The following NPAS3 variants were observed in gnomAD, a reference collection of about 807,000 sequenced individuals.
NPAS3 encodes neuronal PAS domain protein 3.
Under a neutral mutation model 73.1 loss-of-function variants are expected in NPAS3, and 14 were observed. That is an observed-to-expected ratio of 0.19 (90% CI 0.13 to 0.30). The LOEUF is 0.30. Among genes scored for constraint, NPAS3 ranks in the 10% least tolerant of loss-of-function variants. The pLI, the probability that NPAS3 is intolerant of heterozygous loss-of-function variation, is 1.00. For synonymous variants in NPAS3, 620 were observed against 541.5 expected, an observed-to-expected ratio of 1.14 and a Z score of -2.01; for missense variants, 1,096 against 1,250.0, an observed-to-expected ratio of 0.88 and a Z score of 1.86.
At chr14:33,388,374 G>T (rs1055945446) in intron 4 of NPAS3, among the ~76,000 whole-genome samples, 5 of 152,054 alleles carry the variant, frequency 3.3e-5, no homozygotes, top group Non-Finnish European at 5.9e-5. Context: ...AGTATAGAGA[G>T]AATGTCAGTC....
At chr14:33,624,307 A>G (rs2058162204) in intron 5 of NPAS3, among the ~76,000 whole-genome samples, 3 of 152,220 alleles carry the variant, frequency 2.0e-5, no homozygotes, top group African/African-American at 7.2e-5. Flanking sequence ...AGCTAGAATC[A>G]AGATCACCAT....
intron 3 of NPAS3, among the ~76,000 whole-genome samples, chr14:33,333,505 A>T (rs962948463): frequency 6.6e-6 from 1 of 152,184 alleles, no homozygotes; most frequent in Non-Finnish European, 1.5e-5. Flanking sequence ...CAAATATGGA[A>T]ACTAGGGCTC....
chr14:33,685,229 G>A lies in NPAS3; in HGVS notation c.733+8844G>A, dbSNP rs551277108. On this transcript the variant is annotated intron_variant, in intron 6 of 11. Transcript: ENST00000356141. ...CAGATGAGTAACACAATGCGGAAGCGTGGTAATGAGGATCAGGACACTATG... is the reference window on the plus strand; with the variant it reads ...CAGATGAGTAACACAATGCGGAAGCATGGTAATGAGGATCAGGACACTATG... 2.6e-4 allele frequency among the ~76,000 whole-genome samples: 39 copies of A among 152,282 alleles called. No homozygotes were observed. The South Asian group carries it at 5.8e-3, about 23-fold the overall frequency.
chr14:33,061,173 G>C (rs1959178), intron 2 of NPAS3, among the ~76,000 whole-genome samples: 18,993 of 152,144 alleles, frequency 0.12, 1,676 homozygotes, highest in African/African-American at 0.26. Flanking sequence ...GCTGGGGGGA[G>C]GATGGTCACC....
At chr14:33,444,727 T>A (rs1296708956) in intron 4 of NPAS3, among the ~76,000 whole-genome samples, 1 of 152,242 alleles carries the variant, frequency 6.6e-6, no homozygotes, top group Non-Finnish European at 1.5e-5. Flanking sequence ...TATATTTATA[T>A]CTTGTTTAAA....
intron 5 of NPAS3, among the ~76,000 whole-genome samples, chr14:33,675,174 G>A (rs2059725580): frequency 6.6e-6 from 1 of 152,118 alleles, no homozygotes; most frequent in Non-Finnish European, 1.5e-5. Context: ...TTAGTGACCT[G>A]GGAAAGAGCT....
At chr14:33,478,902 C>T (rs1012810548) in intron 4 of NPAS3, among the ~76,000 whole-genome samples, 5 of 152,146 alleles carry the variant, frequency 3.3e-5, no homozygotes, top group Non-Finnish European at 7.3e-5. Context: ...AACTCTCTGG[C>T]TGCCAATCTC....
intron 4 of NPAS3, among the ~76,000 whole-genome samples, chr14:33,408,753 T>G (rs548848312): frequency 2.4e-4 from 37 of 152,192 alleles, no homozygotes; most frequent in Middle Eastern, 3.4e-3. Flanking sequence ...AACAAAGAAG[T>G]TGAGGGTGAG....
At chr14:33,471,647 C>A (rs1339314640) in intron 4 of NPAS3, among the ~76,000 whole-genome samples, 1 of 152,138 alleles carries the variant, frequency 6.6e-6, no homozygotes, top group Non-Finnish European at 1.5e-5. Flanking sequence ...ATATCACCGT[C>A]CTTAAAAGAA....
chr14:33,179,251 T>G (rs745699228), intron 2 of NPAS3, among the ~76,000 whole-genome samples: 1 of 152,196 alleles, frequency 6.6e-6, no homozygotes, highest in Non-Finnish European at 1.5e-5. Flanking sequence ...AAGATTGTTT[T>G]GGATGCCTCC....
chr14:33,251,076 G>A (rs1451878279), intron 3 of NPAS3, among the ~76,000 whole-genome samples: 3 of 152,182 alleles, frequency 2.0e-5, no homozygotes, highest in Admixed American at 6.5e-5. Context: ...ATTTTTTGGA[G>A]GTAGGCAATC....
intron 3 of NPAS3, among the ~76,000 whole-genome samples, chr14:33,279,825 T>C (rs1377986298): frequency 6.6e-6 from 1 of 152,132 alleles, no homozygotes; most frequent in Admixed American, 6.6e-5. Flanking sequence ...ATGCCCAAAA[T>C]AGCAGGTTGA....
At chr14:33,783,431 A>T (rs2063042373) in intron 9 of NPAS3, among the ~76,000 whole-genome samples, 1 of 152,176 alleles carries the variant, frequency 6.6e-6, no homozygotes, top group Non-Finnish European at 1.5e-5. Flanking sequence ...CCATGAAAGG[A>T]AATGCATGTA....
chr14:33,468,653 G>A (rs900111568), intron 4 of NPAS3, among the ~76,000 whole-genome samples: 9 of 152,136 alleles, frequency 5.9e-5, no homozygotes, highest in Admixed American at 1.3e-4. Flanking sequence ...AATTCTGAGA[G>A]CATTTTCACA....
intron 7 of NPAS3, among the ~76,000 whole-genome samples, chr14:33,742,166 G>A (rs8006749): frequency 0.14 from 21,432 of 152,068 alleles, 3,508 homozygotes; most frequent in African/African-American, 0.4. Flanking sequence ...CGCAAGCACA[G>A]GTCATTTTTC....
chr14:33,631,805 C>G (rs1018623922), intron 5 of NPAS3, among the ~76,000 whole-genome samples: 5 of 152,190 alleles, frequency 3.3e-5, no homozygotes, highest in Non-Finnish European at 1.5e-5. Context: ...TGACCCTTCC[C>G]TACACTGTGT....
intron 1 of NPAS3, among the ~76,000 whole-genome samples, chr14:32,989,471 C>G (rs928206390): frequency 2.6e-5 from 4 of 151,934 alleles, no homozygotes; most frequent in African/African-American, 9.7e-5. Context: ...GGTGAAACCC[C>G]GTCTCTACTA....
intron 2 of NPAS3, among the ~76,000 whole-genome samples, chr14:33,199,088 C>T (rs565131926): frequency 6.6e-6 from 1 of 152,168 alleles, no homozygotes; most frequent in Non-Finnish European, 1.5e-5. Context: ...CCTGCGAGCT[C>T]CGTGTGCAGC....
At chr14:33,663,322 A>C (rs1003271707) in intron 5 of NPAS3, among the ~76,000 whole-genome samples, 4 of 152,134 alleles carry the variant, frequency 2.6e-5, no homozygotes, top group Admixed American at 2.0e-4. Context: ...TGTTGAGATA[A>C]TCATGAGGTT....
Sources: allele counts gnomAD v4.1 joint callset (sites outside exome capture counted in the v4.1 genomes callset), GRCh38; gene constraint gnomAD v4.1.1; transcripts MANE v1.5; gene names NCBI Gene and HGNC (gene_info 2026-07-23, HGNC 2026-07-21).